The following MERTK variants were observed in gnomAD, a reference collection of about 807,000 sequenced individuals.
The protein encoded by MERTK is tyrosine-protein kinase Mer.
A neutral mutation model predicts 99.3 loss-of-function variants in MERTK; 69 were observed. The ratio of observed to expected loss-of-function variants is 0.70; its 90% CI spans 0.57 to 0.85. The LOEUF (loss-of-function observed/expected upper bound fraction) is 0.85, where lower values mean the gene tolerates loss of function less well. Ranked by LOEUF, MERTK falls within the 40% of genes least tolerant of loss-of-function variation. The probability of loss-of-function intolerance (pLI) is 0.00; values close to 1 mark genes in which losing one functional copy is unlikely to be tolerated. For missense variants in MERTK, 1,125 were observed against 1,249.4 expected (o/e 0.90, Z 1.50); for synonymous variants, 426 against 467.6 (o/e 0.91, Z 1.15).
At chr2:112,000,912 C>T (rs754001689) in intron 10 of MERTK, among the ~76,000 whole-genome samples, 14 of 150,184 alleles carry the variant, frequency 9.3e-5, no homozygotes, top group Non-Finnish European at 1.8e-4. Flanking sequence ...TCATTTTATA[C>T]TCATAGTCTA....
chr2:111,994,409 G>A lies in MERTK; in HGVS notation c.1450+5G>A, dbSNP rs1163106050. 1 of 1,613,994 alleles carries A rather than the reference G, an allele frequency of 6.2e-7. No homozygotes were observed. Among genetic ancestry groups the A allele is most frequent in the Non-Finnish European group, 8.5e-7 (1 of 1,180,010 alleles). On this transcript the variant is annotated splice_donor_5th_base_variant and intron_variant, in intron 9 of 18. Transcript: ENST00000295408. ...AAATATTTATCCCTGCACACGGTGA[G>A]AGCTATACCCAGTAAGGGCTGATAG... is the stretch of plus-strand genomic sequence containing the variant.
intron 1 of MERTK, among the ~76,000 whole-genome samples, chr2:111,925,078 C>T (rs6712403): frequency 0.041 from 6,157 of 151,478 alleles, 419 homozygotes; most frequent in African/African-American, 0.14. Context: ...GGCAGCCTCC[C>T]CTCCCCACCC....
chr2:111,983,102 GT>G, intron 8 of MERTK, 109 bp downstream of exon 8: 1 of 1,269,722 alleles, frequency 7.9e-7, no homozygotes, highest in Non-Finnish European at 1.1e-6. Flanking sequence ...GTGTGATTGA[GT>G]TAGGCAAGGC....
At chr2:111,911,114 C>A (rs1684239314) in intron 1 of MERTK, among the ~76,000 whole-genome samples, 1 of 152,154 alleles carries the variant, frequency 6.6e-6, no homozygotes, top group African/African-American at 2.4e-5. Context: ...AGTGTGCTAG[C>A]TGGGCAAGTT....
Position 111,975,841 on chromosome 2 carries a change from G to A in MERTK, c.1144+369G>A, listed in dbSNP as rs138839287. Reference sequence around the variant, plus strand: ...GATTTCTCTCCACCAGCAAGCAGTCGGCTCTGCAGCGGAGACCAGCTGAGT... The same window carrying A: ...GATTTCTCTCCACCAGCAAGCAGTCAGCTCTGCAGCGGAGACCAGCTGAGT... On this transcript the variant is annotated intron_variant, in intron 7 of 18. Transcript: ENST00000295408. Among the ~76,000 whole-genome samples the A allele has an allele frequency of 6.9e-4, 105 of 152,198 alleles. No homozygotes were observed. The East Asian group carries it at 0.011, about 16-fold the overall frequency.
chr2:111,973,370 G>C (rs572230020), intron 6 of MERTK, among the ~76,000 whole-genome samples: 1 of 152,056 alleles, frequency 6.6e-6, no homozygotes. Context: ...CAAGACAAGC[G>C]TCTGGGTTCT....
At chr2:111,915,588 A>ATT (rs1573567250) in intron 1 of MERTK, among the ~76,000 whole-genome samples, 1 of 1,752 alleles carries the variant, frequency 5.7e-4, no homozygotes, top group Non-Finnish European at 3.1e-3. Flanking sequence ...TTTTCTTGAC[A>ATT]CTTCTTTGAC....
At chr2:111,961,148 T>TTTTC (rs1301501960) in intron 4 of MERTK, among the ~76,000 whole-genome samples, 3 of 149,578 alleles carry the variant, frequency 2.0e-5, no homozygotes, top group Non-Finnish European at 4.4e-5. Flanking sequence ...GCACTTTAAA[T>TTTTC]TTTCTTTCTT....
intron 6 of MERTK, among the ~76,000 whole-genome samples, chr2:111,969,344 G>T (rs772121892): frequency 1.2e-4 from 18 of 152,178 alleles, no homozygotes; most frequent in African/African-American, 4.1e-4. Flanking sequence ...TCCGTCTCAG[G>T]AGGGACATCG....
intron 8 of MERTK, 68 bp downstream of exon 8, chr2:111,983,061 A>G: frequency 6.3e-7 from 1 of 1,595,558 alleles, no homozygotes; most frequent in Non-Finnish European, 8.6e-7. Context: ...CTTCAGTTTT[A>G]GAAGCTTTCA....
intron 4 of MERTK, among the ~76,000 whole-genome samples, chr2:111,960,853 C>T (rs954952262): frequency 2.6e-5 from 4 of 151,336 alleles, no homozygotes; most frequent in Non-Finnish European, 4.4e-5. Context: ...GTTTAAATTA[C>T]GAAAAATTTA....
intron 15 of MERTK, among the ~76,000 whole-genome samples, chr2:112,017,049 G>A (rs1458983255): frequency 6.6e-6 from 1 of 152,206 alleles, no homozygotes; most frequent in Non-Finnish European, 1.5e-5. Context: ...AGCTTCTACA[G>A]TGTGGAAGGG....
intron 4 of MERTK, among the ~76,000 whole-genome samples, chr2:111,954,419 CTATT>C (rs770242993): frequency 6.6e-6 from 1 of 152,198 alleles, no homozygotes; most frequent in Non-Finnish European, 1.5e-5. Context: ...AACCCTCTAT[CTATT>C]TGTCAGGCCT....
intron 3 of MERTK, among the ~76,000 whole-genome samples, chr2:111,946,209 A>T (rs957894294): frequency 6.6e-6 from 1 of 152,154 alleles, no homozygotes; most frequent in Non-Finnish European, 1.5e-5. Context: ...CGTCAACATC[A>T]GCCAAAGAGG....
chr2:111,945,109 G>A, intron 3 of MERTK, 49 bp downstream of exon 3: 1 of 1,427,590 alleles, frequency 7.0e-7, no homozygotes, highest in African/African-American at 1.4e-5. Flanking sequence ...TTTGTTTTAG[G>A]GCCTGTGTTA....
intron 5 of MERTK, among the ~76,000 whole-genome samples, chr2:111,965,773 A>C (rs1286019339): frequency 2.0e-5 from 3 of 152,082 alleles, no homozygotes; most frequent in African/African-American, 7.2e-5. Flanking sequence ...ACTCAGGGAG[A>C]CAGAGGAAAA....
chr2:111,958,817 A>G (rs993432487), intron 4 of MERTK, among the ~76,000 whole-genome samples: 1 of 152,110 alleles, frequency 6.6e-6, no homozygotes. Flanking sequence ...ATAGGATCCT[A>G]CTATAGGTTC....
At chr2:111,937,028 G>A (rs1304516557) in intron 2 of MERTK, among the ~76,000 whole-genome samples, 1 of 152,090 alleles carries the variant, frequency 6.6e-6, no homozygotes, top group South Asian at 2.1e-4. Context: ...CTTGTGGTGA[G>A]GGGAAAGTAT....
chr2:111,926,683 C>T (rs1684574313), intron 1 of MERTK, among the ~76,000 whole-genome samples: 1 of 152,140 alleles, frequency 6.6e-6, no homozygotes, highest in South Asian at 2.1e-4. Flanking sequence ...ACTGAGATTG[C>T]GCCACTGCAC....
Sources: allele counts gnomAD v4.1 joint callset (sites outside exome capture counted in the v4.1 genomes callset), GRCh38; gene constraint gnomAD v4.1.1; transcripts MANE v1.5; gene names NCBI Gene and HGNC (gene_info 2026-07-23, HGNC 2026-07-21).